The following NBPF20 variants were observed in gnomAD, a reference collection of about 807,000 sequenced individuals.
The protein encoded by NBPF20 is NBPF member 20.
A neutral mutation model predicts 68.1 loss-of-function variants in NBPF20; 90 were observed. The observed-to-expected ratio is 1.32, with a 90% CI of 1.11 to 1.58. NBPF20 has a LOEUF of 1.58. Ranked by LOEUF, NBPF20 falls within the 40% of genes most tolerant of loss-of-function variation. The pLI is 0.00. For synonymous variants in NBPF20, 290 were observed against 228.1 expected (o/e 1.27, Z -2.45); for missense variants, 816 against 601.2 (o/e 1.36, Z -3.74).
chr1:145,415,965 T>C, the NBPF20 span, among the ~76,000 whole-genome samples: 1 of 146,180 alleles, frequency 6.8e-6, no homozygotes, highest in South Asian at 2.3e-4. Flanking sequence ...ACCCTGTCTC[T>C]ACCAAAAATA....
the NBPF20 span, among the ~76,000 whole-genome samples, chr1:145,422,987 G>GAAAA: frequency 1.7e-5 from 2 of 114,436 alleles, no homozygotes; most frequent in African/African-American, 6.7e-5. Context: ...GGCCCTGTCT[G>GAAAA]AAAAAAAAAA....
intron 73 of NBPF20, among the ~76,000 whole-genome samples, chr1:145,342,810 CACA>C (rs1207127266): frequency 8.9e-6 from 1 of 112,640 alleles, no homozygotes; most frequent in Non-Finnish European, 1.8e-5. Context: ...CACACACACA[CACA>C]GAGAGAACGA....
exon 138 of NBPF20, chr1:145,290,377 T>TTCTC (rs1192514016): frequency 6.7e-6 from 1 of 149,396 alleles, no homozygotes; most frequent in Non-Finnish European, 1.5e-5. Flanking sequence ...AAACTAGACC[T>TTCTC]TCTCTGCCCG....
intron 2 of NBPF20, among the ~76,000 whole-genome samples, chr1:145,404,850 T>C (rs1326609304): frequency 4.0e-5 from 6 of 150,638 alleles, no homozygotes; most frequent in Non-Finnish European, 7.4e-5. Flanking sequence ...CAGGTCGTTC[T>C]GTGCCTGTGT....
chr1:145,400,105 T>C (rs1395153219), intron 6 of NBPF20, among the ~76,000 whole-genome samples: 1 of 152,120 alleles, frequency 6.6e-6, no homozygotes, highest in African/African-American at 2.4e-5. Flanking sequence ...TGACAAGAGA[T>C]ACTGAATCGA....
rs782571945 is a variant in NBPF20, at chr1:145,291,789, T to G, written c.16698-20A>C. The G allele has an allele frequency of 6.2e-7, 1 of 1,611,342 alleles. No individual in the cohort carries two copies. Among genetic ancestry groups the G allele is most frequent in the Non-Finnish European group, 8.5e-7 (1 of 1,179,780 alleles). On this transcript the variant is annotated intron_variant, in intron 137 of 137. Transcript: ENST00000369373. ...TTGAGCCTGGAAAAGGAGACAAAAC[T>G]AAAGAAGCAGCCAGGGAAAATCAGA...
chr1:145,340,848 G>A lies in NBPF20; in HGVS notation c.9187C>T (p.Leu3063=), dbSNP rs1661600811. 1.2e-4 allele frequency: 20 copies of A among 161,286 alleles called. No homozygotes were observed. The Admixed American group carries it at 1.8e-3, about 15-fold the overall frequency. 10.0% of individuals were successfully genotyped at this position (161,286 alleles called of 1,614,324 possible). Residue 3063 remains leucine (L), a synonymous_variant, in exon 76 of 138, where the codon CTG becomes TTG. Coordinates refer to ENST00000369373, the Ensembl canonical transcript of NBPF20. Reference sequence around the variant, plus strand: ...CTGTAGGGCTGGCATGAGTCAGTCAGTTCAAGACAACCTGAAGGAGTTGAA... The same window carrying A: ...CTGTAGGGCTGGCATGAGTCAGTCAATTCAAGACAACCTGAAGGAGTTGAA...
At chr1:145,415,056 T>A in the NBPF20 span, among the ~76,000 whole-genome samples, 2 of 152,096 alleles carry the variant, frequency 1.3e-5, no homozygotes, top group African/African-American at 4.8e-5. Flanking sequence ...TATTTATTGA[T>A]CATTATCGGG....
In NBPF20 at chr1:145,394,961, C is replaced by G. The variant is rs1247986482; in HGVS notation, c.991+17G>C. On this transcript the variant is annotated intron_variant, in intron 8 of 137. Coordinates refer to ENST00000369373, the Ensembl canonical transcript of NBPF20. Reference sequence around the variant, plus strand: ...CCATGAACTGGAGCTTTATCACCTTCACAGTGTAGTACTCACTGCCTATGT... The same window carrying G: ...CCATGAACTGGAGCTTTATCACCTTGACAGTGTAGTACTCACTGCCTATGT... The G allele has an allele frequency of 6.2e-7, 1 of 1,611,888 alleles. No individual in the cohort carries two copies. The highest frequency in any genetic ancestry group is 1.3e-5 in the African/African-American group (1 of 74,864).
At chr1:145,291,910 T>C in intron 137 of NBPF20, 141 bp from the exon 143 acceptor site, 2 of 1,543,846 alleles carry the variant, frequency 1.3e-6, no homozygotes, top group South Asian at 1.3e-5. Context: ...AAAAATTTAT[T>C]GCCTATATGT....
intron 9 of NBPF20, 69 bp downstream of exon 14, chr1:145,393,815 T>C (rs1662068399): frequency 3.2e-6 from 4 of 1,239,068 alleles, no homozygotes; most frequent in Non-Finnish European, 3.5e-6. Flanking sequence ...CAGCATGTAC[T>C]GTTTTCCCTG....
the NBPF20 span, among the ~76,000 whole-genome samples, chr1:145,419,859 A>G: frequency 6.6e-6 from 1 of 152,138 alleles, no homozygotes; most frequent in Non-Finnish European, 1.5e-5. Flanking sequence ...GTCCACCACA[A>G]GGTCCTGGGG....
intron 137 of NBPF20, 42 bp downstream of exon 142, chr1:145,292,339 G>A (rs587676799): frequency 4.6e-6 from 3 of 654,270 alleles, no homozygotes; most frequent in Non-Finnish European, 2.7e-6. Flanking sequence ...TTGCCTCCAG[G>A]TGTTAACACA....
chr1:145,292,066 C>A (rs587619851), intron 137 of NBPF20, among the ~76,000 whole-genome samples: 1 of 149,332 alleles, frequency 6.7e-6, no homozygotes, highest in Non-Finnish European at 1.5e-5. Flanking sequence ...AGTTAGTGTC[C>A]TCATGACACA....
intron 79 of NBPF20, among the ~76,000 whole-genome samples, 170 bp from the exon 85 acceptor site, chr1:145,337,979 G>A (rs1661583395): frequency 4.6e-5 from 3 of 65,748 alleles, no homozygotes; most frequent in Admixed American, 1.4e-4. Context: ...GGGCCAAATG[G>A]AAAAGAATGA....
At chr1:145,394,984 T>A in exon 8 of NBPF20, 1 of 1,611,996 alleles carries the variant, frequency 6.2e-7, no homozygotes, top group Non-Finnish European at 8.5e-7. Flanking sequence ...TCACTGCCTA[T>A]GTCAACAGCC....
chr1:145,411,127 C>T, the NBPF20 span, among the ~76,000 whole-genome samples: 3 of 143,952 alleles, frequency 2.1e-5, no homozygotes, highest in Non-Finnish European at 4.6e-5. Flanking sequence ...TTTTATTATT[C>T]TTGATCATTG....
chr1:145,400,275 A>C, intron 6 of NBPF20, 114 bp downstream of exon 11: 1 of 1,588,816 alleles, frequency 6.3e-7, no homozygotes, highest in Non-Finnish European at 8.6e-7. Flanking sequence ...ATATCTGTTT[A>C]GAAACCCATC....
chr1:145,407,931 ATGAATGGGCTGACAC>A (rs1161112095), upstream of NBPF20: 1 of 160,896 alleles, frequency 6.2e-6, no homozygotes, highest in African/African-American at 2.4e-5. Flanking sequence ...AAGCTTTGTC[ATGAATGGGCTGACAC>A]TGGGGGGCCA....
Sources: allele counts gnomAD v4.1 joint callset (sites outside exome capture counted in the v4.1 genomes callset), GRCh38; gene constraint gnomAD v4.1.1; transcripts MANE v1.5; gene names NCBI Gene and HGNC (gene_info 2026-07-23, HGNC 2026-07-21).